Variants in SLC7A14 observed in about 807,000 individuals in gnomAD.
The protein encoded by SLC7A14 is gamma-aminobutyric acid transporter SLC7A14.
A neutral mutation model predicts 60.2 loss-of-function variants in SLC7A14; 37 were observed. That is an observed-to-expected ratio of 0.61 (90% confidence interval 0.47 to 0.81). SLC7A14 has a LOEUF of 0.81. Ranked by LOEUF, SLC7A14 falls within the 30% of genes least tolerant of loss-of-function variation. The probability of loss-of-function intolerance (pLI) is 0.00; values close to 1 mark genes in which losing one functional copy is unlikely to be tolerated. For synonymous variants in SLC7A14, 399 were observed against 395.8 expected (o/e 1.01, Z -0.10); for missense variants, 886 against 982.7 (o/e 0.90, Z 1.32).
intron 5 of SLC7A14, 27 bp from the exon 6 acceptor site, chr3:170,483,549 G>A (rs749864526): frequency 3.7e-6 from 6 of 1,612,696 alleles, no homozygotes; most frequent in Non-Finnish European, 5.1e-6. Context: ...AGACAGGGCT[G>A]GAGGTACAGG....
At chr3:170,575,232 C>G (rs1033187297) in intron 1 of SLC7A14, among the ~76,000 whole-genome samples, 2 of 152,148 alleles carry the variant, frequency 1.3e-5, no homozygotes, top group East Asian at 1.9e-4. Context: ...CTTTCTGAAG[C>G]CTCCCTCATC....
intron 2 of SLC7A14, among the ~76,000 whole-genome samples, chr3:170,512,825 G>A (rs543327517): frequency 7.3e-5 from 11 of 151,686 alleles, no homozygotes; most frequent in Middle Eastern, 3.4e-3. Context: ...CACTACGCCC[G>A]GCTAATTTTT....
intron 1 of SLC7A14, among the ~76,000 whole-genome samples, chr3:170,562,753 T>G (rs1247883705): frequency 6.6e-6 from 1 of 152,170 alleles, no homozygotes; most frequent in Non-Finnish European, 1.5e-5. Flanking sequence ...ATATTATTAT[T>G]ATTATTCCAT....
chr3:170,550,724 G>T (rs1447826922), intron 1 of SLC7A14, among the ~76,000 whole-genome samples: 1 of 151,592 alleles, frequency 6.6e-6, no homozygotes, highest in Admixed American at 6.6e-5. Context: ...GTTTCACCAT[G>T]TTGGCCAGGC....
intron 1 of SLC7A14, among the ~76,000 whole-genome samples, chr3:170,555,133 A>G (rs936982237): frequency 6.6e-6 from 1 of 151,728 alleles, no homozygotes; most frequent in East Asian, 1.9e-4. Context: ...ACACCACTGC[A>G]CTTCAGCCTG....
At position 170,460,534 on chromosome 3, in the gene SLC7A14, A is replaced by G. The variant is rs2287491; in HGVS notation, c.*6521T>C. ...GAGACAAGCGTATCAGCAACTGCCA[A>G]GACCAATCAATAGATGTGCATGGAA... On this transcript the variant is annotated 3_prime_UTR_variant, in exon 8 of 8. Coordinates refer to ENST00000231706, the MANE Select transcript of SLC7A14 (RefSeq NM_020949.3). 0.57 allele frequency: 86,028 copies of G among 152,104 alleles called. 25,817 individuals are homozygous for G. The highest frequency in any genetic ancestry group is 0.7 in the Middle Eastern group (206 of 294). The allele number at this position is 152,104 out of a possible 1,614,324, so 9.4% of individuals were successfully genotyped here.
At position 170,535,021 on chromosome 3, in the gene SLC7A14, C is replaced by T. The variant is rs1428050170; in HGVS notation, c.-152-7933G>A. On this transcript the variant is annotated intron_variant, in intron 1 of 7. Transcript: ENST00000231706. This position sits in a 1 kb window ranked among gnomAD's most constrained non-coding sequence, Gnocchi z 4.3. ...GCGTTGAGACACCACGTTTCTCCTT[C>T]GATGCCCCAGTCAGGGAGGGTATCA... Among the ~76,000 whole-genome samples, 2 of 152,164 alleles carry T rather than the reference C, an allele frequency of 1.3e-5. No individual in the cohort carries two copies. The highest frequency in any genetic ancestry group is 1.9e-4 in the East Asian group (1 of 5,192).
At chr3:170,514,089 C>A (rs945220786) in intron 2 of SLC7A14, among the ~76,000 whole-genome samples, 2 of 152,258 alleles carry the variant, frequency 1.3e-5, no homozygotes, top group Non-Finnish European at 2.9e-5. Context: ...GTGATCTCAC[C>A]TCCTTGCCAG....
chr3:170,479,152 T>TAAC (rs71300473), intron 7 of SLC7A14, among the ~76,000 whole-genome samples: 79,149 of 150,472 alleles, frequency 0.53, 22,470 homozygotes, highest in Middle Eastern at 0.67. Flanking sequence ...AACAAACAAA[T>TAAC]AACAACAACA....
chr3:170,470,504 T>C (rs1177798296), intron 7 of SLC7A14, among the ~76,000 whole-genome samples: 1 of 152,102 alleles, frequency 6.6e-6, no homozygotes, highest in Non-Finnish European at 1.5e-5. Context: ...TCTTCAAAAA[T>C]GCATTTCAAA....
At chr3:170,475,232 A>G (rs1426054198) in intron 7 of SLC7A14, among the ~76,000 whole-genome samples, 2 of 152,252 alleles carry the variant, frequency 1.3e-5, no homozygotes, top group African/African-American at 4.8e-5. Context: ...TCAAAAGCTT[A>G]GCAAAACATT....
In SLC7A14 at chr3:170,486,233, C is replaced by T. The variant is rs879213694; in HGVS notation, c.895G>A (p.Ala299Thr). ...ITASLVICLT[A>T]YVSVSVILTL... is the part of the protein sequence containing the mutation. ...CATCTGGTACTTACAGACACATATG[C>T]TGTCAGGCAGATGACCAGGGAGGCA... The change falls in exon 5 of 8, where the codon GCA (alanine) becomes ACA (threonine). Residue 299 changes from alanine (A) to threonine (T), a missense_variant. Ala to Thr is a moderately conservative substitution (Grantham distance 58). Transcript: ENST00000231706. 1 of 1,614,130 alleles carries T rather than the reference C, an allele frequency of 6.2e-7. No individual in the cohort carries two copies. The highest frequency in any genetic ancestry group is 1.1e-5 in the South Asian group (1 of 91,068).
chr3:170,568,488 T>C (rs1426341743), intron 1 of SLC7A14, among the ~76,000 whole-genome samples: 1 of 152,238 alleles, frequency 6.6e-6, no homozygotes, highest in Non-Finnish European at 1.5e-5. Context: ...GACTTGGCGA[T>C]GTGGGCTCTT....
Position 170,480,766 on chromosome 3 carries a change from CGTT to C in SLC7A14, c.1513_1515del (p.Asn505del), listed in dbSNP as rs747139103. ...ACGGTGCCGTAATTGGGGTGGTTGACGTTGTAGGTTGACTTGTCTGATTTCCCT... is the reference window on the plus strand; with the variant it reads ...ACGGTGCCGTAATTGGGGTGGTTGACGTAGGTTGACTTGTCTGATTTCCCT... On this transcript the variant is annotated inframe_deletion, in exon 7 of 8. Coordinates refer to ENST00000231706, the MANE Select transcript of SLC7A14 (RefSeq NM_020949.3). 1 of 1,614,144 alleles carries C rather than the reference CGTT, an allele frequency of 6.2e-7. No homozygotes were observed. Among genetic ancestry groups the C allele is most frequent in the East Asian group, 2.2e-5 (1 of 44,874 alleles).
At position 170,535,446 on chromosome 3, in the gene SLC7A14, T is replaced by A. The variant is rs1187936872; in HGVS notation, c.-152-8358A>T. Among the ~76,000 whole-genome samples, 1 of 152,168 alleles carries A rather than the reference T, an allele frequency of 6.6e-6. No individual in the cohort carries two copies. The highest frequency in any genetic ancestry group is 1.5e-5 in the Non-Finnish European group (1 of 68,020). ...GGTGTGTGTTTAGTTCAATGGTAGCTGTTATGGCCATAAAATAAATTATTG... is the reference window on the plus strand; with the variant it reads ...GGTGTGTGTTTAGTTCAATGGTAGCAGTTATGGCCATAAAATAAATTATTG... On this transcript the variant is annotated intron_variant, in intron 1 of 7. Coordinates refer to ENST00000231706, the MANE Select transcript of SLC7A14 (RefSeq NM_020949.3). This position sits in a 1 kb window ranked among gnomAD's most constrained non-coding sequence, Gnocchi z 4.3.
At chr3:170,507,174 T>C (rs1712807358) in intron 2 of SLC7A14, among the ~76,000 whole-genome samples, 1 of 151,120 alleles carries the variant, frequency 6.6e-6, no homozygotes, top group Non-Finnish European at 1.5e-5. Flanking sequence ...AACCTACTTA[T>C]CAGCTCATTT....
intron 1 of SLC7A14, among the ~76,000 whole-genome samples, chr3:170,584,521 A>T (rs2108321393): frequency 6.6e-6 from 1 of 152,170 alleles, no homozygotes; most frequent in Middle Eastern, 3.4e-3. Context: ...CTGCTCTTCC[A>T]CTCAGGAAAG....
intron 1 of SLC7A14, among the ~76,000 whole-genome samples, chr3:170,555,688 G>C (rs545185531): frequency 1.3e-5 from 2 of 152,312 alleles, no homozygotes; most frequent in South Asian, 4.1e-4. Context: ...AATGGGAACA[G>C]AGTGGTAAGG....
At position 170,469,122 on chromosome 3, in the gene SLC7A14, G is replaced by A. The variant is rs187280364; in HGVS notation, c.1994-1745C>T. ...CCATACAGTATGCAACCTCCTTCCC[G>A]GGCCCTAACATCCTCCTCTGAGTAG... is the stretch of plus-strand genomic sequence containing the variant. On this transcript the variant is annotated intron_variant, in intron 7 of 7. Coordinates refer to ENST00000231706, the MANE Select transcript of SLC7A14 (RefSeq NM_020949.3). 1.4e-3 allele frequency among the ~76,000 whole-genome samples: 219 copies of A among 152,164 alleles called. 1 individual carries two copies. The highest frequency in any genetic ancestry group is 4.9e-3 in the African/African-American group (204 of 41,508).
Sources: gnomAD v4.1 joint callset for allele counts (sites outside exome capture counted in the v4.1 genomes callset) on GRCh38, gnomAD v4.1.1 for gene constraint, Gnocchi (gnomAD v3.1) non-coding constraint, MANE v1.5 for transcripts, NCBI Gene and HGNC (gene_info 2026-07-23, HGNC 2026-07-21) for gene names.